Variants in ZGRF1 observed in about 807,000 individuals in gnomAD.
ZGRF1 encodes zinc finger GRF-type containing 1, also known as 5'-3' DNA helicase ZGRF1.
Under a neutral mutation model 203.5 loss-of-function variants are expected in ZGRF1, and 196 were observed. The ratio of observed to expected loss-of-function variants is 0.96; its 90% confidence interval spans 0.86 to 1.08. The LOEUF is 1.08. ZGRF1 is among the 50% of genes least tolerant of loss of function. The pLI, the probability that ZGRF1 is intolerant of heterozygous loss-of-function variation, is 0.00. For missense variants in ZGRF1, 2,326 were observed against 2,416.3 expected (o/e 0.96, Z 0.78); for synonymous variants, 809 against 841.3 (o/e 0.96, Z 0.66).
chr4:112,573,992 G>A (rs76247326), intron 16 of ZGRF1, among the ~76,000 whole-genome samples: 4 of 152,150 alleles, frequency 2.6e-5, no homozygotes, highest in Admixed American at 2.6e-4. Flanking sequence ...CATTTGAATG[G>A]GTTGATCCAT....
At chr4:112,608,569 G>A (rs1034598708) in intron 8 of ZGRF1, among the ~76,000 whole-genome samples, 6 of 151,470 alleles carry the variant, frequency 4.0e-5, no homozygotes, top group South Asian at 2.1e-4. Context: ...GCGGTGAGCC[G>A]AGATCACACC....
In ZGRF1 at chr4:112,541,145, A is replaced by G. The variant is rs141738076; in HGVS notation, c.5722T>C (p.Leu1908=). Reference sequence around the variant, plus strand: ...CACAGGGTTGGTAGCCATTCCAATAAAGGGCTCCGCTCTATTTCTGTTACA... The same window carrying G: ...CACAGGGTTGGTAGCCATTCCAATAGAGGGCTCCGCTCTATTTCTGTTACA... ...NGVTEIERSP[L]LEWLPTLCFY... Residue 1908 remains leucine, a synonymous_variant, in exon 25 of 28, where the codon TTA becomes CTA. Coordinates refer to ENST00000505019, the MANE Select transcript of ZGRF1 (RefSeq NM_018392.5). 128 of 1,609,588 alleles carry G rather than the reference A, an allele frequency of 8.0e-5. No homozygotes were observed. In the East Asian group the frequency reaches 2.8e-3, roughly 35 times the overall value.
At chr4:112,606,198 A>G (rs1750748268) in intron 8 of ZGRF1, 107 bp from the exon 9 acceptor site, 1 of 704,804 alleles carries the variant, frequency 1.4e-6, no homozygotes, top group South Asian at 1.8e-5. Flanking sequence ...CCCTGTGAAA[A>G]CACACTTGCC....
Position 112,618,704 on chromosome 4 carries a change from CTT to C in ZGRF1, c.1336_1337del (p.Lys446GlyfsTer4). ...DNKIPFNQND[K>X]GCIKGSVLIK... Reference sequence around the variant, plus strand: ...TGAGAACTGATCCTTTAATGCACCCCTTGTCATTTTGATTAAAAGGTATTTTA... The same window carrying C: ...TGAGAACTGATCCTTTAATGCACCCCGTCATTTTGATTAAAAGGTATTTTA... On this transcript the variant is annotated frameshift_variant, in exon 6 of 28. Coordinates refer to ENST00000505019, the MANE Select transcript of ZGRF1 (RefSeq NM_018392.5). LOFTEE classifies it high-confidence loss of function. The C allele has an allele frequency of 1.2e-6, 2 of 1,611,486 alleles. No homozygotes were observed. The highest frequency in any genetic ancestry group is 1.7e-6 in the Non-Finnish European group (2 of 1,179,328).
chr4:112,540,954 A>G lies in ZGRF1; in HGVS notation c.5777T>C (p.Ile1926Thr), dbSNP rs200917924. The change falls in exon 26 of 28, where the codon ATA becomes ACA. Residue 1926 changes from isoleucine (I) to threonine (T), a missense_variant and splice_region_variant. Ile to Thr is a moderately conservative substitution (Grantham distance 89, BLOSUM62 -1). Transcript: ENST00000505019. ...CFYNVKGLEQ[I>T]ERDNSFHNVA... ...ATTATGAAAGCTGTTATCTCTTTCT[A>G]TCTGGAGTAAGAAATAGATCCTAAA... The G allele has an allele frequency of 2.3e-4, 367 of 1,565,706 alleles. No individual in the cohort carries two copies. Among genetic ancestry groups the G allele is most frequent in the Non-Finnish European group, 3.0e-4 (347 of 1,153,360 alleles).
intron 22 of ZGRF1, among the ~76,000 whole-genome samples, chr4:112,550,342 A>G (rs1249487954): frequency 6.6e-6 from 1 of 152,080 alleles, no homozygotes; most frequent in Non-Finnish European, 1.5e-5. Context: ...TTAAAGGTAA[A>G]AAAAGAAAAA....
At chr4:112,571,029 A>G (rs1462834173) in intron 16 of ZGRF1, among the ~76,000 whole-genome samples, 2 of 151,368 alleles carry the variant, frequency 1.3e-5, no homozygotes, top group Admixed American at 1.3e-4. Context: ...ACTTGAACCC[A>G]GGAGGTGGAG....
At position 112,578,920 on chromosome 4, in the gene ZGRF1, C is replaced by A. The variant is rs1344409817; in HGVS notation, c.4438+2743G>T. Among the ~76,000 whole-genome samples the A allele has an allele frequency of 2.4e-5, 3 of 122,732 alleles. 1 individual carries two copies. The highest frequency in any genetic ancestry group is 3.6e-5 in the Non-Finnish European group (2 of 54,908). The allele number at this position is 122,732 out of a possible 152,430, so 80.5% of individuals were successfully genotyped here. A position where few individuals can be genotyped will look rare whatever the true frequency, so the allele number is the denominator to read the frequency against. On this transcript the variant is annotated intron_variant, in intron 16 of 27. Transcript: ENST00000505019. Reference sequence around the variant, plus strand: ...GAGGGAATCCTCCCTAATTCATTTTCTGAGGCCAGAATCACCCTGATACCA... The same window carrying A: ...GAGGGAATCCTCCCTAATTCATTTTATGAGGCCAGAATCACCCTGATACCA...
At chr4:112,615,519 T>A in intron 6 of ZGRF1, among the ~76,000 whole-genome samples, 1 of 151,980 alleles carries the variant, frequency 6.6e-6, no homozygotes, top group East Asian at 1.9e-4. Flanking sequence ...CCACCACACC[T>A]GGCCTTCAAA....
At chr4:112,546,072 G>GTAATAATAATAATAA (rs142640030) in intron 24 of ZGRF1, among the ~76,000 whole-genome samples, 5,953 of 147,198 alleles carry the variant, frequency 0.04, 169 homozygotes, top group East Asian at 0.12. Context: ...GTACTTTAAA[G>GTAATAATAATAATAA]TAATAATAAT....
intron 15 of ZGRF1, among the ~76,000 whole-genome samples, chr4:112,582,397 CT>C: frequency 6.6e-6 from 1 of 151,268 alleles, no homozygotes; most frequent in Non-Finnish European, 1.5e-5. Flanking sequence ...ATGAGATCTG[CT>C]TTTTTAGCTC....
chr4:112,588,585 A>T (rs1169297780), intron 11 of ZGRF1, among the ~76,000 whole-genome samples: 1 of 152,204 alleles, frequency 6.6e-6, no homozygotes, highest in African/African-American at 2.4e-5. Flanking sequence ...GTGTGTCAGC[A>T]GCTTTAGTGA....
chr4:112,568,256 G>T (rs562496088), intron 16 of ZGRF1, among the ~76,000 whole-genome samples: 1 of 152,166 alleles, frequency 6.6e-6, no homozygotes, highest in African/African-American at 2.4e-5. Flanking sequence ...GTAAAAAAAA[G>T]ATGATGAACT....
rs1405089514 is a variant in ZGRF1 at position 112,618,588 on chromosome 4, A to G, written c.1454T>C (p.Leu485Pro). 1.2e-6 allele frequency: 2 copies of G among 1,613,706 alleles called. No homozygotes were observed. The stretch of plus-strand genomic sequence containing the variant: ...AGAATTATTACTAGATTCAATTTGG[A>G]GATGTTTCAGTTCTGGCAGAGATGA... Reference protein sequence around the residue: ...SESSLPELKHLQIESSNNSRI... With the variant: ...SESSLPELKHPQIESSNNSRI... The change falls in exon 6 of 28, where the codon CTC (leucine) becomes CCC (proline). Residue 485 changes from leucine to proline, a missense_variant. Coordinates refer to ENST00000505019, the MANE Select transcript of ZGRF1 (RefSeq NM_018392.5).
chr4:112,606,676 A>G (rs924620019), intron 8 of ZGRF1, among the ~76,000 whole-genome samples: 2 of 152,050 alleles, frequency 1.3e-5, no homozygotes, highest in Non-Finnish European at 2.9e-5. Flanking sequence ...AAAAAATAGA[A>G]AAAGAAAAAA....
intron 16 of ZGRF1, among the ~76,000 whole-genome samples, chr4:112,576,565 A>G (rs1472166828): frequency 6.6e-6 from 1 of 152,152 alleles, no homozygotes; most frequent in African/African-American, 2.4e-5. Flanking sequence ...AGAATAACCA[A>G]CGCACAGAAG....
intron 10 of ZGRF1, among the ~76,000 whole-genome samples, chr4:112,593,874 C>A (rs1336986465): frequency 6.6e-6 from 1 of 151,660 alleles, no homozygotes; most frequent in African/African-American, 2.4e-5. Flanking sequence ...ATTGATCGTC[C>A]CACCCCCGCC....
chr4:112,559,299 A>T (rs1741503480), intron 19 of ZGRF1, among the ~76,000 whole-genome samples: 1 of 152,118 alleles, frequency 6.6e-6, no homozygotes, highest in Non-Finnish European at 1.5e-5. Context: ...CCCAGGCTCA[A>T]GCCATCCTCC....
chr4:112,558,136 C>T lies in ZGRF1; in HGVS notation c.5120+14G>A. 6.3e-7 allele frequency: 1 copy of T among 1,596,714 alleles called. No homozygotes were observed. Among genetic ancestry groups the T allele is most frequent in the Non-Finnish European group, 8.5e-7 (1 of 1,173,614 alleles). Reference sequence around the variant, plus strand: ...CCAAAACATTAGCTACTTAAATGCACTTGTCATGCCTACCCAAGAAGTACT... The same window carrying T: ...CCAAAACATTAGCTACTTAAATGCATTTGTCATGCCTACCCAAGAAGTACT... On this transcript the variant is annotated intron_variant, in intron 20 of 27. Coordinates refer to ENST00000505019, the MANE Select transcript of ZGRF1 (RefSeq NM_018392.5).
Sources: gnomAD v4.1 joint callset for allele counts (sites outside exome capture counted in the v4.1 genomes callset) on GRCh38, gnomAD v4.1.1 for gene constraint, MANE v1.5 for transcripts, NCBI Gene and HGNC (gene_info 2026-07-23, HGNC 2026-07-21) for gene names.